The following MGAT4A variants were observed in gnomAD, a reference collection of about 807,000 sequenced individuals.
MGAT4A encodes N-acetylglucosaminyltransferase IVa.
Under a neutral mutation model 74.1 loss-of-function variants are expected in MGAT4A, and 33 were observed. That is an observed-to-expected ratio of 0.45 (90% CI 0.34 to 0.60). The LOEUF is 0.60. MGAT4A is among the 20% of genes least tolerant of loss of function. MGAT4A has a pLI of 0.02. For synonymous variants in MGAT4A, 198 were observed against 210.4 expected, an observed-to-expected ratio of 0.94 and a Z score of 0.51; for missense variants, 479 against 628.3, an observed-to-expected ratio of 0.76 and a Z score of 2.54.
intron 2 of MGAT4A, among the ~76,000 whole-genome samples, chr2:98,680,680 T>C (rs1702046868): frequency 6.6e-6 from 1 of 152,188 alleles, no homozygotes; most frequent in South Asian, 2.1e-4. Flanking sequence ...GGGTGCCGGC[T>C]AGGTTCTATT....
At chr2:98,663,666 TTTAAAGTGTCA>T (rs1216365523) in intron 4 of MGAT4A, among the ~76,000 whole-genome samples, 8 of 152,120 alleles carry the variant, frequency 5.3e-5, no homozygotes, top group Admixed American at 2.6e-4. Flanking sequence ...AACAGTACTC[TTTAAAGTGTCA>T]AGGTCATGAA....
chr2:98,659,077 A>C (rs1370521177), intron 5 of MGAT4A, among the ~76,000 whole-genome samples: 2 of 152,218 alleles, frequency 1.3e-5, no homozygotes, highest in African/African-American at 4.8e-5. Context: ...GGGTAGAAGC[A>C]TCAGAAGAGG....
intron 2 of MGAT4A, among the ~76,000 whole-genome samples, chr2:98,722,447 C>T (rs1702688006): frequency 6.6e-6 from 1 of 152,140 alleles, no homozygotes; most frequent in Non-Finnish European, 1.5e-5. Context: ...AGACCACATA[C>T]TGTATGATTA....
At chr2:98,646,630 C>T (rs535865271) in intron 8 of MGAT4A, among the ~76,000 whole-genome samples, 4 of 152,114 alleles carry the variant, frequency 2.6e-5, no homozygotes, top group African/African-American at 9.6e-5. Context: ...TCACTTGAGC[C>T]CCCAAAAAGA....
At chr2:98,717,151 G>A (rs369011784) in intron 2 of MGAT4A, among the ~76,000 whole-genome samples, 11 of 152,194 alleles carry the variant, frequency 7.2e-5, no homozygotes, top group Non-Finnish European at 1.0e-4. Context: ...AAGCCGAGGC[G>A]GGCAGATCAC....
intron 3 of MGAT4A, among the ~76,000 whole-genome samples, chr2:98,678,012 G>A (rs905061782): frequency 1.2e-4 from 18 of 150,638 alleles, no homozygotes; most frequent in Admixed American, 1.3e-4. Flanking sequence ...GGTGGATCAC[G>A]AGGTCAGGAG....
At chr2:98,639,726 C>T (rs904568198) in intron 12 of MGAT4A, 82 bp downstream of exon 12, 23 of 1,305,348 alleles carry the variant, frequency 1.8e-5, no homozygotes, top group Non-Finnish European at 1.8e-5. Flanking sequence ...CTGTCAGGCA[C>T]ACACACAAAA....
chr2:98,619,537 A>G lies in MGAT4A; in HGVS notation c.*6029T>C, dbSNP rs1440402318. The G allele has an allele frequency of 6.6e-6, 1 of 152,198 alleles. No individual in the cohort carries two copies. Among genetic ancestry groups the G allele is most frequent in the Non-Finnish European group, 1.5e-5 (1 of 68,032 alleles). 9.4% of individuals were successfully genotyped at this position (152,198 alleles called of 1,614,324 possible). ...TCCATAAATGAAACACAATTGTTAC[A>G]CTTTGCTGATTTCTAAATCTTTCTT... is the stretch of plus-strand genomic sequence containing the variant. On this transcript the variant is annotated 3_prime_UTR_variant, in exon 16 of 16. Transcript: ENST00000393487.
chr2:98,704,737 T>C (rs1399805477), intron 2 of MGAT4A, among the ~76,000 whole-genome samples: 1 of 151,938 alleles, frequency 6.6e-6, no homozygotes, highest in African/African-American at 2.4e-5. Flanking sequence ...ACCACTGCAC[T>C]ATAGCCTGGG....
intron 2 of MGAT4A, among the ~76,000 whole-genome samples, chr2:98,719,565 CACCAAACGGGGAAAAAAA>C (rs1307591641): frequency 6.6e-6 from 1 of 152,160 alleles, no homozygotes; most frequent in Non-Finnish European, 1.5e-5. Context: ...ACAACCAATA[CACCAAACGGGGAAAAAAA>C]ACCAAGCAGG....
chr2:98,699,472 C>G (rs2104312041), intron 2 of MGAT4A, among the ~76,000 whole-genome samples: 1 of 152,246 alleles, frequency 6.6e-6, no homozygotes, highest in South Asian at 2.1e-4. Flanking sequence ...GCCATGTTAA[C>G]TCTTTTCTGC....
chr2:98,724,221 A>AC (rs958436911), intron 2 of MGAT4A, among the ~76,000 whole-genome samples: 5 of 151,970 alleles, frequency 3.3e-5, no homozygotes, highest in East Asian at 1.9e-4. Context: ...ACAAAAAAAA[A>AC]CCATTAGTTT....
Position 98,644,056 on chromosome 2 carries a change from GA to G in MGAT4A, c.890-4del. 1.3e-6 allele frequency: 2 copies of G among 1,566,088 alleles called. No homozygotes were observed. Among genetic ancestry groups the G allele is most frequent in the Non-Finnish European group, 1.7e-6 (2 of 1,150,124 alleles). On this transcript the variant is annotated splice_polypyrimidine_tract_variant and splice_region_variant and intron_variant, in intron 9 of 15. Transcript: ENST00000393487. ...ATCCGGCGCTTGAAACATTTTACCT[GA>G]AAAGATATTCCCAGTCAATAGCTGC...
At chr2:98,647,638 C>T (rs114609225) in intron 8 of MGAT4A, among the ~76,000 whole-genome samples, 94 of 152,292 alleles carry the variant, frequency 6.2e-4, no homozygotes, top group African/African-American at 2.0e-3. Context: ...CTTTCTTATG[C>T]GCTACCGTAA....
chr2:98,679,598 C>T (rs1002135587), intron 2 of MGAT4A, among the ~76,000 whole-genome samples: 3 of 152,026 alleles, frequency 2.0e-5, no homozygotes. Flanking sequence ...CACAACTGCA[C>T]CCCAGCCTGG....
intron 2 of MGAT4A, among the ~76,000 whole-genome samples, chr2:98,721,391 T>C (rs1282296661): frequency 1.4e-5 from 2 of 138,264 alleles, no homozygotes; most frequent in African/African-American, 3.2e-5. Flanking sequence ...TTAATGTATT[T>C]TTTTCTTCTT....
chr2:98,696,923 C>A (rs1292698339), intron 2 of MGAT4A, among the ~76,000 whole-genome samples: 1 of 152,140 alleles, frequency 6.6e-6, no homozygotes, highest in Non-Finnish European at 1.5e-5. Flanking sequence ...ATTGTAGTAA[C>A]AATGCCTATA....
intron 14 of MGAT4A, among the ~76,000 whole-genome samples, chr2:98,632,311 G>C (rs895565628): frequency 6.6e-6 from 1 of 152,080 alleles, no homozygotes; most frequent in Non-Finnish European, 1.5e-5. Flanking sequence ...TGCTCCCCTA[G>C]GGGTTTGAGC....
intron 10 of MGAT4A, among the ~76,000 whole-genome samples, chr2:98,640,896 T>C (rs571924024): frequency 9.2e-5 from 14 of 152,180 alleles, no homozygotes; most frequent in Non-Finnish European, 2.1e-4. Context: ...TTTTATTTAA[T>C]AATATAATGA....
Sources: allele counts gnomAD v4.1 joint callset (sites outside exome capture counted in the v4.1 genomes callset), GRCh38; gene constraint gnomAD v4.1.1; transcripts MANE v1.5; gene names NCBI Gene and HGNC (gene_info 2026-07-23, HGNC 2026-07-21).